DCAF5: variants seen among roughly 807,000 people sequenced by gnomAD.
DCAF5 encodes the protein DDB1- and CUL4-associated factor 5.
DCAF5 carries 9 observed loss-of-function variants against 80.7 expected under a neutral mutation model. That is an observed-to-expected ratio of 0.11 (90% CI 0.07 to 0.19). The LOEUF is 0.19. Among genes scored for constraint, DCAF5 ranks in the 10% least tolerant of loss-of-function variants. The pLI is 1.00. For missense variants in DCAF5, 842 were observed against 1,205.7 expected, an observed-to-expected ratio of 0.70 and a Z score of 4.47; for synonymous variants, 433 against 461.9, an observed-to-expected ratio of 0.94 and a Z score of 0.80.
chr14:69,151,178 T>G (rs1483018579), intron 1 of DCAF5, among the ~76,000 whole-genome samples: 1 of 152,154 alleles, frequency 6.6e-6, no homozygotes, highest in Non-Finnish European at 1.5e-5. Context: ...TACGGTGCTG[T>G]GGGGGAAGGA....
At chr14:69,128,246 G>A (rs1396157503) in intron 1 of DCAF5, among the ~76,000 whole-genome samples, 7 of 151,228 alleles carry the variant, frequency 4.6e-5, no homozygotes, top group Non-Finnish European at 8.8e-5. Context: ...GAGTGCAGTG[G>A]CATGATCTCA....
Position 69,110,067 on chromosome 14 carries a change from A to C in DCAF5, c.665+6299T>G, listed in dbSNP as rs142883023. Among the ~76,000 whole-genome samples the C allele has an allele frequency of 1.1e-4, 16 of 152,310 alleles. No individual in the cohort carries two copies. In the East Asian group the frequency reaches 3.1e-3, roughly 29 times the overall value. The stretch of plus-strand genomic sequence containing the variant: ...AATTTGCACTGCTCTCATGAGTGAT[A>C]AAGTTCAGTACTTTTCAAATGCTTA... On this transcript the variant is annotated intron_variant, in intron 5 of 8. Transcript: ENST00000341516.
At chr14:69,151,435 C>A (rs545269056) in intron 1 of DCAF5, among the ~76,000 whole-genome samples, 1 of 152,296 alleles carries the variant, frequency 6.6e-6, no homozygotes, top group South Asian at 2.1e-4. Context: ...AAGTTTCTGG[C>A]GAGCTGCTCA....
upstream of DCAF5, chr14:69,153,127 C>A: frequency 1.8e-6 from 1 of 556,790 alleles, no homozygotes. Flanking sequence ...TGTGCAGACA[C>A]TCGGCGGCGT....
At chr14:69,150,660 A>C (rs2041672874) in intron 1 of DCAF5, among the ~76,000 whole-genome samples, 5 of 151,616 alleles carry the variant, frequency 3.3e-5, no homozygotes, top group African/African-American at 1.2e-4. Flanking sequence ...GTGAGGCAGG[A>C]GGATTACTTA....
intron 7 of DCAF5, among the ~76,000 whole-genome samples, chr14:69,069,640 CTTT>C (rs1014610775): frequency 6.6e-6 from 1 of 151,998 alleles, no homozygotes; most frequent in Non-Finnish European, 1.5e-5. Context: ...TTTCTTCTTT[CTTT>C]TTATTATTAT....
At chr14:69,078,468 C>T (rs1406150497) in intron 6 of DCAF5, among the ~76,000 whole-genome samples, 1 of 152,180 alleles carries the variant, frequency 6.6e-6, no homozygotes, top group African/African-American at 2.4e-5. Context: ...TCCAAAAGCA[C>T]TGAAAACAAG....
chr14:69,091,776 G>A lies in DCAF5; in HGVS notation c.777C>T (p.Leu259=). 3.1e-6 allele frequency: 5 copies of A among 1,614,174 alleles called. No homozygotes were observed. Among genetic ancestry groups the A allele is most frequent in the Non-Finnish European group, 4.2e-6 (5 of 1,180,022 alleles). Residue 259 remains leucine (L), a synonymous_variant, in exon 6 of 9, where the codon CTC becomes CTT. Transcript: ENST00000341516. The stretch of plus-strand genomic sequence containing the variant: ...CAGGCAGGCGGGAATGGATGTCATA[G>A]AGCACAGGGGGCAGGCGTCGCCTCA... ...LALRRRLPPV[L]YDIHSRLPVF...
rs749335199 is a variant in DCAF5 at position 69,055,034 on chromosome 14, C to T, written c.1652G>A (p.Arg551Gln). The change falls in exon 9 of 9, where the codon CGG becomes CAG. Residue 551 changes from arginine to glutamine, a missense_variant. Coordinates refer to ENST00000341516, the MANE Select transcript of DCAF5 (RefSeq NM_003861.3). The surrounding 1 kb of genome is among the most constrained non-coding windows in gnomAD (Gnocchi z 5.6). ...ELDTDLFPRPRSPSPEDESSS... is the reference protein window; with the variant it reads ...ELDTDLFPRPQSPSPEDESSS... ...GGATTCATCTTCGGGGCTGGGTGAC[C>T]GTGGCCGGGGAAAGAGATCTGTGTC... 10 of 1,614,088 alleles carry T rather than the reference C, an allele frequency of 6.2e-6. No individual in the cohort carries two copies. Among genetic ancestry groups the T allele is most frequent in the Admixed American group, 5.0e-5 (3 of 60,004 alleles).
rs145082258 is a variant in DCAF5 at position 69,116,769 on chromosome 14, C to T, written c.536-274G>A. Reference sequence around the variant, plus strand: ...ATCAGATCTTGACACAAAACAGAAACGGCCACTAAAAATGGGAAAATAAGC... The same window carrying T: ...ATCAGATCTTGACACAAAACAGAAATGGCCACTAAAAATGGGAAAATAAGC... On this transcript the variant is annotated intron_variant, in intron 4 of 8. Coordinates refer to ENST00000341516, the MANE Select transcript of DCAF5 (RefSeq NM_003861.3). 1.5e-3 allele frequency among the ~76,000 whole-genome samples: 235 copies of T among 152,118 alleles called. 1 individual carries two copies. The highest frequency in any genetic ancestry group is 5.4e-3 in the African/African-American group (223 of 41,476).
intron 1 of DCAF5, among the ~76,000 whole-genome samples, chr14:69,146,405 C>T (rs965556663): frequency 6.6e-6 from 1 of 152,156 alleles, no homozygotes; most frequent in East Asian, 1.9e-4. Flanking sequence ...CCAAGTAGGA[C>T]AAATAATGTG....
chr14:69,076,282 A>G (rs763099002), intron 6 of DCAF5, among the ~76,000 whole-genome samples: 3 of 152,212 alleles, frequency 2.0e-5, no homozygotes, highest in Non-Finnish European at 4.4e-5. Flanking sequence ...AGCAATTACA[A>G]TCCTAGGTAT....
chr14:69,119,072 G>T, intron 3 of DCAF5, 122 bp downstream of exon 3: 2 of 892,052 alleles, frequency 2.2e-6, no homozygotes, highest in South Asian at 2.3e-5. Context: ...TTTTAGAAAA[G>T]AACAGCTGGT....
chr14:69,128,675 G>A (rs1183190413), intron 1 of DCAF5, among the ~76,000 whole-genome samples: 1 of 151,572 alleles, frequency 6.6e-6, no homozygotes, highest in Non-Finnish European at 1.5e-5. Flanking sequence ...GGATGAGGCA[G>A]GAGAATCACT....
At chr14:69,105,828 CT>C (rs1244239482) in intron 5 of DCAF5, among the ~76,000 whole-genome samples, 2 of 148,048 alleles carry the variant, frequency 1.4e-5, no homozygotes, top group Non-Finnish European at 3.0e-5. Flanking sequence ...ACTGACCACT[CT>C]ACTGGCTTTT....
rs1329454293 is a variant in DCAF5, at chr14:69,055,078, A to G, written c.1608T>C (p.Asn536=). 6.2e-7 allele frequency: 1 copy of G among 1,614,060 alleles called. No homozygotes were observed. The highest frequency in any genetic ancestry group is 8.5e-7 in the Non-Finnish European group (1 of 1,180,038). ...CTGTGTCTAGTTCCACCTCACAGAC[A>G]TTCTCCTCAGAATCGGACTCATTGG... ...ALSNESDSEE[N]VCEVELDTDL... is the part of the protein sequence containing the mutation. Residue 536 remains asparagine, a synonymous_variant, in exon 9 of 9, where the codon AAT becomes AAC. Transcript: ENST00000341516. The surrounding 1 kb of genome is among the most constrained non-coding windows in gnomAD (Gnocchi z 5.6).
At chr14:69,104,539 C>G (rs2040067503) in intron 5 of DCAF5, among the ~76,000 whole-genome samples, 1 of 151,904 alleles carries the variant, frequency 6.6e-6, no homozygotes, top group East Asian at 1.9e-4. Flanking sequence ...CCAGTTTCTT[C>G]AACACATAAT....
intron 7 of DCAF5, among the ~76,000 whole-genome samples, chr14:69,072,975 T>C (rs1394070863): frequency 6.6e-6 from 1 of 152,208 alleles, no homozygotes; most frequent in Non-Finnish European, 1.5e-5. Context: ...TAACAGATCA[T>C]GGGTTCTGTG....
At chr14:69,112,385 T>C (rs1329157844) in intron 5 of DCAF5, among the ~76,000 whole-genome samples, 4 of 152,066 alleles carry the variant, frequency 2.6e-5, no homozygotes, top group Non-Finnish European at 5.9e-5. Context: ...AAAAGTTCTA[T>C]TGTAAGGAGG....
Sources: allele counts gnomAD v4.1 joint callset (sites outside exome capture counted in the v4.1 genomes callset), GRCh38; gene constraint gnomAD v4.1.1; non-coding constraint Gnocchi (gnomAD v3.1); transcripts MANE v1.5; gene names NCBI Gene and HGNC (gene_info 2026-07-23, HGNC 2026-07-21).